Variants in CECR2 observed in about 807,000 individuals in gnomAD.
CECR2 encodes the protein chromatin remodeling regulator CECR2.
In CECR2, 30 loss-of-function variants were observed where a neutral mutation model predicts 154.5. The observed-to-expected ratio is 0.19, with a 90% CI of 0.15 to 0.26. The LOEUF (loss-of-function observed/expected upper bound fraction) is 0.26. Ranked by LOEUF, CECR2 falls within the 10% of genes least tolerant of loss-of-function variation. The pLI, the probability that CECR2 is intolerant of heterozygous loss-of-function variation, is 1.00. For missense variants in CECR2, 1,743 were observed against 1,829.3 expected (o/e 0.95, Z 0.86); for synonymous variants, 725 against 683.7 (o/e 1.06, Z -0.94).
In CECR2 at chr22:17,388,669, A is replaced by G. The variant is rs927400270; in HGVS notation, c.126+18760A>G. Among the ~76,000 whole-genome samples the G allele has an allele frequency of 2.6e-5, 4 of 152,360 alleles. No homozygotes were observed. The South Asian group carries it at 6.2e-4, about 24-fold the overall frequency. The stretch of plus-strand genomic sequence containing the variant: ...TACGGAGAACACTGAGTCAGGAGAC[A>G]TTTTAGAAGTGAAAGCAATTCAGTT... On this transcript the variant is annotated intron_variant, in intron 1 of 18. Coordinates refer to ENST00000262608, the MANE Select transcript of CECR2 (RefSeq NM_001290047.2).
intron 2 of CECR2, among the ~76,000 whole-genome samples, chr22:17,480,030 G>A (rs1473377818): frequency 6.6e-6 from 1 of 151,958 alleles, no homozygotes; most frequent in African/African-American, 2.4e-5. Context: ...AAAGTGCTGG[G>A]ATTACAGGTG....
At chr22:17,493,893 T>C (rs1022997339) in intron 2 of CECR2, among the ~76,000 whole-genome samples, 29 of 152,334 alleles carry the variant, frequency 1.9e-4, no homozygotes, top group African/African-American at 7.0e-4. Flanking sequence ...GCTATTCTGG[T>C]GAAATGATAC....
At chr22:17,432,935 C>T (rs2054448643) in intron 1 of CECR2, among the ~76,000 whole-genome samples, 1 of 152,172 alleles carries the variant, frequency 6.6e-6, no homozygotes, top group Admixed American at 6.5e-5. Context: ...GTATTGATGA[C>T]AGTCAGATGC....
intron 1 of CECR2, among the ~76,000 whole-genome samples, chr22:17,459,271 A>C (rs2054900364): frequency 6.6e-6 from 1 of 152,166 alleles, no homozygotes; most frequent in Non-Finnish European, 1.5e-5. Flanking sequence ...GCAAAGATGC[A>C]GTTTCTTTCT....
At chr22:17,491,293 A>C (rs2055525031) in intron 2 of CECR2, among the ~76,000 whole-genome samples, 1 of 152,080 alleles carries the variant, frequency 6.6e-6, no homozygotes, top group South Asian at 2.1e-4. Context: ...CAGCAGCTGC[A>C]CACTTAGCCT....
At chr22:17,543,121 T>C (rs2056557364) in intron 16 of CECR2, 118 bp downstream of exon 16, 1 of 1,274,188 alleles carries the variant, frequency 7.8e-7, no homozygotes, top group East Asian at 2.5e-5. Context: ...GTTTATTTTT[T>C]GGTTTTGTTT....
At chr22:17,444,643 C>T (rs1012877992) in intron 1 of CECR2, among the ~76,000 whole-genome samples, 6 of 152,064 alleles carry the variant, frequency 3.9e-5, no homozygotes, top group African/African-American at 1.4e-4. Context: ...GAACTACCAC[C>T]ATCAAGATTT....
chr22:17,518,811 G>A, intron 8 of CECR2: 1 of 326,648 alleles, frequency 3.1e-6, no homozygotes, highest in Non-Finnish European at 6.1e-6. Flanking sequence ...TTTCACCATT[G>A]GATAGATCTC....
chr22:17,450,279 T>C (rs1028195798), intron 1 of CECR2, among the ~76,000 whole-genome samples: 1 of 152,226 alleles, frequency 6.6e-6, no homozygotes, highest in Non-Finnish European at 1.5e-5. Flanking sequence ...ATTAACTTTT[T>C]GTTGTTGTTT....
intron 1 of CECR2, among the ~76,000 whole-genome samples, chr22:17,434,621 C>A (rs1601351331): frequency 6.9e-6 from 1 of 145,824 alleles, no homozygotes; most frequent in East Asian, 2.1e-4. Context: ...TGGATTAGAA[C>A]CCCCCACTCT....
rs1179141551 is a variant in CECR2 at position 17,541,836 on chromosome 22, C to T, written c.1885-3C>T. On this transcript the variant is annotated splice_region_variant and splice_polypyrimidine_tract_variant and intron_variant, in intron 14 of 18. Coordinates refer to ENST00000262608, the MANE Select transcript of CECR2 (RefSeq NM_001290047.2). ...TCTTCTTGCTTTGTTCAATGTGCTG[C>T]AGAGGCCAGCAGTACCAGGAACATT... The T allele has an allele frequency of 1.2e-6, 2 of 1,611,458 alleles. No homozygotes were observed. The highest frequency in any genetic ancestry group is 1.3e-5 in the African/African-American group (1 of 74,968).
chr22:17,397,052 T>C (rs1428895869), intron 1 of CECR2, among the ~76,000 whole-genome samples: 1 of 152,136 alleles, frequency 6.6e-6, no homozygotes, highest in Non-Finnish European at 1.5e-5. Flanking sequence ...TGCTAGGTGT[T>C]ATACAGTGTT....
intron 1 of CECR2, among the ~76,000 whole-genome samples, chr22:17,470,332 G>A (rs2055103485): frequency 6.6e-6 from 1 of 151,072 alleles, no homozygotes; most frequent in African/African-American, 2.4e-5. Flanking sequence ...CAGCTACTCG[G>A]GTGGCTGAAG....
At chr22:17,461,791 A>C (rs199892931) in intron 1 of CECR2, among the ~76,000 whole-genome samples, 1 of 143,820 alleles carries the variant, frequency 7.0e-6, no homozygotes, top group East Asian at 2.1e-4. Context: ...AGTACCCGTT[A>C]CTTTTTTTTT....
chr22:17,522,232 T>G (rs142599302), intron 8 of CECR2, among the ~76,000 whole-genome samples: 1 of 152,346 alleles, frequency 6.6e-6, no homozygotes, highest in East Asian at 1.9e-4. Flanking sequence ...TTTTTTGGCA[T>G]CAGTATACAT....
chr22:17,437,541 C>A (rs1407010697), intron 1 of CECR2, among the ~76,000 whole-genome samples: 3 of 152,090 alleles, frequency 2.0e-5, no homozygotes, highest in Non-Finnish European at 2.9e-5. Flanking sequence ...TATGATATTT[C>A]TTTTTCATTA....
chr22:17,436,516 C>T (rs1157663595), intron 1 of CECR2, among the ~76,000 whole-genome samples: 1 of 152,196 alleles, frequency 6.6e-6, no homozygotes, highest in East Asian at 1.9e-4. Flanking sequence ...CAGAGTATCC[C>T]TTATGAATTA....
At chr22:17,494,320 G>A (rs1251327346) in intron 2 of CECR2, among the ~76,000 whole-genome samples, 2 of 152,296 alleles carry the variant, frequency 1.3e-5, no homozygotes, top group South Asian at 2.1e-4. Flanking sequence ...CCAAAGTGCT[G>A]GGATTACAGG....
At chr22:17,520,068 C>T (rs1042970209) in intron 8 of CECR2, among the ~76,000 whole-genome samples, 6 of 152,138 alleles carry the variant, frequency 3.9e-5, no homozygotes, top group Admixed American at 2.6e-4. Flanking sequence ...AGATTACAGG[C>T]GTGAGCCACC....
Sources: gnomAD v4.1 joint callset for allele counts (sites outside exome capture counted in the v4.1 genomes callset) on GRCh38, gnomAD v4.1.1 for gene constraint, MANE v1.5 for transcripts, NCBI Gene and HGNC (gene_info 2026-07-23, HGNC 2026-07-21) for gene names.